COL4A4: variants seen among roughly 807,000 people sequenced by gnomAD.
The protein encoded by COL4A4 is collagen alpha-4(IV) chain.
In COL4A4, 105 loss-of-function variants were observed where a neutral mutation model predicts 192.9. The observed-to-expected ratio is 0.54, with a 90% CI of 0.46 to 0.64. The LOEUF (loss-of-function observed/expected upper bound fraction) is 0.64. Ranked by LOEUF, COL4A4 falls within the 30% of genes least tolerant of loss-of-function variation. The pLI is 0.00. For synonymous variants in COL4A4, 762 were observed against 769.9 expected, an observed-to-expected ratio of 0.99 and a Z score of 0.17; for missense variants, 1,967 against 2,169.3, an observed-to-expected ratio of 0.91 and a Z score of 1.85.
intron 20 of COL4A4, 71 bp from the exon 21 acceptor site, chr2:227,090,028 G>A: frequency 1.6e-6 from 2 of 1,279,846 alleles, no homozygotes; most frequent in East Asian, 4.7e-5. Flanking sequence ...TAGAATAAGT[G>A]ACTTTTGCAC....
intron 44 of COL4A4, among the ~76,000 whole-genome samples, chr2:227,020,422 G>T (rs1965778765): frequency 6.6e-6 from 1 of 152,060 alleles, no homozygotes; most frequent in Admixed American, 6.5e-5. Flanking sequence ...CAATTAACCT[G>T]GTGCACAAAC....
At chr2:227,119,384 C>A (rs999770768) in intron 6 of COL4A4, among the ~76,000 whole-genome samples, 1 of 150,392 alleles carries the variant, frequency 6.6e-6, no homozygotes, top group African/African-American at 2.4e-5. Context: ...ATATATATAT[C>A]TTGCACCATA....
At chr2:227,089,248 T>C (rs2059768766) in intron 21 of COL4A4, among the ~76,000 whole-genome samples, 1 of 151,948 alleles carries the variant, frequency 6.6e-6, no homozygotes, top group South Asian at 2.1e-4. Context: ...AAATAATACA[T>C]GAAGAAGGAT....
intron 1 of COL4A4, among the ~76,000 whole-genome samples, chr2:227,150,057 G>A (rs908447718): frequency 7.2e-5 from 11 of 152,146 alleles, no homozygotes; most frequent in Non-Finnish European, 1.0e-4. Context: ...CAGTACCATC[G>A]TAGTGCCTGG....
chr2:227,130,587 G>A (rs967014736), intron 4 of COL4A4, among the ~76,000 whole-genome samples: 1 of 151,994 alleles, frequency 6.6e-6, no homozygotes, highest in Non-Finnish European at 1.5e-5. Context: ...AGCTCTTCAG[G>A]GCTGCCCTGG....
At chr2:227,086,942 G>A (rs2059633573) in intron 22 of COL4A4, among the ~76,000 whole-genome samples, 1 of 152,212 alleles carries the variant, frequency 6.6e-6, no homozygotes, top group Middle Eastern at 3.2e-3. Flanking sequence ...GTACTGCTGG[G>A]ACACCTTAAT....
At chr2:227,048,707 G>C (rs1259112190) in intron 34 of COL4A4, among the ~76,000 whole-genome samples, 5 of 152,154 alleles carry the variant, frequency 3.3e-5, no homozygotes, top group Non-Finnish European at 7.4e-5. Flanking sequence ...TTCCTTTTAA[G>C]CATGGCCCAA....
intron 26 of COL4A4, among the ~76,000 whole-genome samples, chr2:227,062,047 A>T (rs1354538455): frequency 6.6e-6 from 1 of 152,088 alleles, no homozygotes; most frequent in Non-Finnish European, 1.5e-5. Flanking sequence ...AGACCAGCCT[A>T]ACCAATATGG....
intron 6 of COL4A4, among the ~76,000 whole-genome samples, chr2:227,119,000 A>ACC (rs2061633620): frequency 6.6e-6 from 1 of 152,000 alleles, no homozygotes; most frequent in Non-Finnish European, 1.5e-5. Flanking sequence ...TGAGGAGGGG[A>ACC]CCTTCCTTAA....
chr2:227,021,346 T>TTCC lies in COL4A4; in HGVS notation c.4216+699_4216+701dup, dbSNP rs1285948063. Among the ~76,000 whole-genome samples, 5 of 152,278 alleles carry TTCC rather than the reference T, an allele frequency of 3.3e-5. No individual in the cohort carries two copies. The South Asian group carries it at 1.0e-3, about 32-fold the overall frequency. ...CCATCCCTCCTCTAACAGCTCCTAC[T>TTCC]TCCTTCTTGCAGGCTCTGTTTCCGC... is the stretch of plus-strand genomic sequence containing the variant. On this transcript the variant is annotated intron_variant, in intron 44 of 47. Transcript: ENST00000396625.
intron 7 of COL4A4, among the ~76,000 whole-genome samples, chr2:227,115,905 A>G (rs984155027): frequency 2.6e-5 from 4 of 152,170 alleles, no homozygotes; most frequent in African/African-American, 9.7e-5. Flanking sequence ...TACTTGCATA[A>G]CGTACAAACT....
chr2:227,090,375 G>A lies in COL4A4; in HGVS notation c.1370-418C>T, dbSNP rs115659780. ...CTTATAGAAATAAAATTTCAGAGAT[G>A]TCAGTTAAAGACGACAGATAAAATG... is the stretch of plus-strand genomic sequence containing the variant. On this transcript the variant is annotated intron_variant, in intron 20 of 47. Transcript: ENST00000396625. 1.9e-3 allele frequency among the ~76,000 whole-genome samples: 293 copies of A among 152,242 alleles called. 1 individual carries two copies. The highest frequency in any genetic ancestry group is 6.3e-3 in the African/African-American group (260 of 41,542).
chr2:227,009,252 C>T (rs189339257), intron 46 of COL4A4, among the ~76,000 whole-genome samples: 82 of 152,304 alleles, frequency 5.4e-4, no homozygotes, highest in Middle Eastern at 3.4e-3. Flanking sequence ...CTAGTGAGAG[C>T]AATGGCAAGC....
rs778458961 is a variant in COL4A4 at position 227,043,119 on chromosome 2, T to C, written c.3355A>G (p.Arg1119Gly). The change falls in exon 36 of 48, where the codon AGG (arginine) becomes GGG (glycine). Residue 1119 changes from arginine (R) to glycine (G), a missense_variant. By Grantham distance (125) the Arg-to-Gly change is moderately radical. Coordinates refer to ENST00000396625, the MANE Select transcript of COL4A4 (RefSeq NM_000092.5). ...CCAGAGGAGCCAGGTGGCCCTGGCCTTCCAGGTGATCCTCTGGGCCCTTGA... is the reference window on the plus strand; with the variant it reads ...CCAGAGGAGCCAGGTGGCCCTGGCCCTCCAGGTGATCCTCTGGGCCCTTGA... The part of the protein sequence containing the change: ...GIQGPRGSPG[R>G]PGPPGSSGPP... The C allele has an allele frequency of 1.6e-5, 26 of 1,613,896 alleles. No homozygotes were observed. The Admixed American group carries it at 4.2e-4, about 26-fold the overall frequency.
chr2:227,106,811 C>A (rs1008822032), intron 12 of COL4A4, among the ~76,000 whole-genome samples: 4 of 152,214 alleles, frequency 2.6e-5, no homozygotes, highest in Admixed American at 2.0e-4. Context: ...GGTGATCCAC[C>A]CACCTCGGCC....
chr2:227,060,592 A>G (rs1322824950), intron 26 of COL4A4, among the ~76,000 whole-genome samples: 1 of 152,200 alleles, frequency 6.6e-6, no homozygotes, highest in African/African-American at 2.4e-5. Context: ...TTGTAGGGGT[A>G]AAGAGGTGGT....
intron 37 of COL4A4, among the ~76,000 whole-genome samples, chr2:227,037,899 T>C (rs1970015367): frequency 6.6e-6 from 1 of 152,230 alleles, no homozygotes; most frequent in South Asian, 2.1e-4. Flanking sequence ...TTGAGAAGTG[T>C]CTGTTTATAT....
At chr2:227,147,817 A>G (rs2063647386) in intron 1 of COL4A4, among the ~76,000 whole-genome samples, 1 of 148,820 alleles carries the variant, frequency 6.7e-6, no homozygotes, top group Non-Finnish European at 1.5e-5. Context: ...ATGTGTATAT[A>G]TTATATTTTT....
chr2:227,040,963 ATATTG>A (rs1256837280), intron 37 of COL4A4, among the ~76,000 whole-genome samples: 1 of 152,088 alleles, frequency 6.6e-6, no homozygotes, highest in Non-Finnish European at 1.5e-5. Flanking sequence ...ATTTTATATT[ATATTG>A]TATTGTATTA....
Sources: gnomAD v4.1 joint callset for allele counts (sites outside exome capture counted in the v4.1 genomes callset) on GRCh38, gnomAD v4.1.1 for gene constraint, MANE v1.5 for transcripts, NCBI Gene and HGNC (gene_info 2026-07-23, HGNC 2026-07-21) for gene names.